The following HDGFL3 variants were observed in gnomAD, a reference collection of about 807,000 sequenced individuals.
The protein encoded by HDGFL3 is hepatoma-derived growth factor-related protein 3.
A neutral mutation model predicts 27.6 loss-of-function variants in HDGFL3; 6 were observed. That is an observed-to-expected ratio of 0.22 (90% confidence interval 0.12 to 0.43). HDGFL3 has a LOEUF of 0.43. Ranked by LOEUF, HDGFL3 falls within the 20% of genes least tolerant of loss-of-function variation. The pLI, the probability that HDGFL3 is intolerant of heterozygous loss-of-function variation, is 1.00. For synonymous variants in HDGFL3, 88 were observed against 88.9 expected, an observed-to-expected ratio of 0.99 and a Z score of 0.05; for missense variants, 207 against 250.1, an observed-to-expected ratio of 0.83 and a Z score of 1.16.
rs374656602 is a variant in HDGFL3 at position 83,162,400 on chromosome 15, T to C, written c.161+1599A>G. Among the ~76,000 whole-genome samples, 26 of 152,236 alleles carry C rather than the reference T, an allele frequency of 1.7e-4. 1 individual carries two copies. Among genetic ancestry groups the C allele is most frequent in the East Asian group, 5.8e-4 (3 of 5,184 alleles). On this transcript the variant is annotated intron_variant, in intron 2 of 5. Coordinates refer to ENST00000299633, the MANE Select transcript of HDGFL3 (RefSeq NM_016073.4). ...ATCAAACCAGCAAAAAAATCACATA[T>C]AGACTACTGTACAACCAGATCATTT...
At chr15:83,148,285 G>C (rs1438222177) in intron 5 of HDGFL3, among the ~76,000 whole-genome samples, 1 of 152,114 alleles carries the variant, frequency 6.6e-6, no homozygotes, top group East Asian at 1.9e-4. Flanking sequence ...CGTATACTAG[G>C]AGACAGGCAT....
At position 83,128,502 on chromosome 15, in the gene HDGFL3, C is replaced by T. The variant is rs984981002; in HGVS notation, c.*10768G>A. 2 of 152,170 alleles carry T rather than the reference C, an allele frequency of 1.3e-5. No individual in the cohort carries two copies. The highest frequency in any genetic ancestry group is 2.4e-5 in the African/African-American group (1 of 41,440). The allele number at this position is 152,170 out of a possible 1,614,324, so 9.4% of individuals were successfully genotyped here. On this transcript the variant is annotated 3_prime_UTR_variant, in exon 6 of 6. Transcript: ENST00000299633. Reference sequence around the variant, plus strand: ...TTGCAGACCTCTAAATACCTGATTCCTCAGTCCTTGGGGTTTATTTCTGTA... The same window carrying T: ...TTGCAGACCTCTAAATACCTGATTCTTCAGTCCTTGGGGTTTATTTCTGTA...
At chr15:83,204,055 GA>G (rs1433654524) in intron 1 of HDGFL3, among the ~76,000 whole-genome samples, 1 of 148,632 alleles carries the variant, frequency 6.7e-6, no homozygotes, top group Non-Finnish European at 1.5e-5. Context: ...TTTAATGTTA[GA>G]ATAATACATC....
At position 83,134,950 on chromosome 15, in the gene HDGFL3, A is replaced by T. The variant is rs997892949; in HGVS notation, c.*4320T>A. The T allele has an allele frequency of 3.3e-5, 5 of 152,174 alleles. No homozygotes were observed. Among genetic ancestry groups the T allele is most frequent in the Admixed American group, 6.5e-5 (1 of 15,276 alleles). 9.4% of individuals were successfully genotyped at this position (152,174 alleles called of 1,614,324 possible). ...TGAAAGTGCCCTTTACTCTCAAGGC[A>T]TTTTGTCCTCAGAGCCCAGAGATGC... On this transcript the variant is annotated 3_prime_UTR_variant, in exon 6 of 6. Transcript: ENST00000299633.
intron 5 of HDGFL3, among the ~76,000 whole-genome samples, chr15:83,150,920 T>C (rs1275598443): frequency 6.6e-6 from 1 of 152,186 alleles, no homozygotes; most frequent in African/African-American, 2.4e-5. Context: ...TGGGGTGGCA[T>C]TTCATAATTT....
intron 1 of HDGFL3, among the ~76,000 whole-genome samples, chr15:83,165,794 CAAAAAAAAA>C (rs57873221): frequency 7.2e-5 from 1 of 13,848 alleles, no homozygotes; most frequent in Middle Eastern, 0.083. Context: ...GAATCCATCT[CAAAAAAAAA>C]AAAAAAAAAA....
chr15:83,169,248 C>G (rs1383290733), intron 1 of HDGFL3: 1 of 442,812 alleles, frequency 2.3e-6, no homozygotes, highest in South Asian at 1.6e-5. Context: ...CAACATAGTA[C>G]TGGAATGCCA....
downstream of HDGFL3, among the ~76,000 whole-genome samples, chr15:83,123,579 G>T (rs1396432197): frequency 1.3e-5 from 2 of 152,158 alleles, no homozygotes; most frequent in Non-Finnish European, 2.9e-5. Flanking sequence ...TTTTACAAAA[G>T]ATTTTCAGTA....
chr15:83,135,868 C>T lies in HDGFL3; in HGVS notation c.*3402G>A, dbSNP rs1315773570. The T allele has an allele frequency of 6.6e-6, 1 of 152,058 alleles. No homozygotes were observed. The highest frequency in any genetic ancestry group is 1.5e-5 in the Non-Finnish European group (1 of 68,016). 9.4% of individuals were successfully genotyped at this position (152,058 alleles called of 1,614,324 possible). A position where few individuals can be genotyped will look rare whatever the true frequency, so the allele number is the denominator to read the frequency against. On this transcript the variant is annotated 3_prime_UTR_variant, in exon 6 of 6. Coordinates refer to ENST00000299633, the MANE Select transcript of HDGFL3 (RefSeq NM_016073.4). ...TAACAACCTTATCTTACAAACAACC[C>T]TTAATATTTTAAAAGCTGCAGAAAA... is the stretch of plus-strand genomic sequence containing the variant.
chr15:83,196,048 TTAAA>T (rs1310335748), intron 1 of HDGFL3, among the ~76,000 whole-genome samples: 7 of 152,044 alleles, frequency 4.6e-5, no homozygotes, highest in East Asian at 3.9e-4. Flanking sequence ...CTGACATTTA[TTAAA>T]TAAACGGTCA....
chr15:83,183,786 C>A (rs1312089332), intron 1 of HDGFL3, among the ~76,000 whole-genome samples: 1 of 149,346 alleles, frequency 6.7e-6, no homozygotes, highest in Non-Finnish European at 1.5e-5. Flanking sequence ...AAAAAAGTAT[C>A]TTTTCCCACT....
intron 4 of HDGFL3, among the ~76,000 whole-genome samples, chr15:83,156,366 G>A (rs998702398): frequency 2.0e-5 from 3 of 151,980 alleles, no homozygotes; most frequent in Admixed American, 6.5e-5. Flanking sequence ...TATTATTTAC[G>A]TGATTACTGT....
Position 83,128,821 on chromosome 15 carries a change from CACT to C in HDGFL3, c.*10446_*10448del, listed in dbSNP as rs950674101. On this transcript the variant is annotated 3_prime_UTR_variant, in exon 6 of 6. Transcript: ENST00000299633. ...TCCTCATCCTCTACATCTAGACCAC[CACT>C]AAGTCCTTTTTTTTTTCTTTTAAAG... 2 of 152,118 alleles carry C rather than the reference CACT, an allele frequency of 1.3e-5. No individual in the cohort carries two copies. Among genetic ancestry groups the C allele is most frequent in the African/African-American group, 2.4e-5 (1 of 41,414 alleles). 9.4% of individuals were successfully genotyped at this position (152,118 alleles called of 1,614,324 possible). A position where few individuals can be genotyped will look rare whatever the true frequency, so the allele number is the denominator to read the frequency against.
chr15:83,149,286 T>C (rs940212976), intron 5 of HDGFL3, among the ~76,000 whole-genome samples: 1 of 152,260 alleles, frequency 6.6e-6, no homozygotes, highest in Non-Finnish European at 1.5e-5. Context: ...GCAGCTATTA[T>C]GTTCTAAGGT....
chr15:83,186,633 A>G (rs1434759256), intron 1 of HDGFL3, among the ~76,000 whole-genome samples: 2 of 152,230 alleles, frequency 1.3e-5, no homozygotes, highest in Non-Finnish European at 2.9e-5. Context: ...CTCAAGAATA[A>G]AAAACCAAAT....
chr15:83,147,848 C>G (rs1048900450), intron 5 of HDGFL3, among the ~76,000 whole-genome samples: 2 of 152,120 alleles, frequency 1.3e-5, no homozygotes, highest in Non-Finnish European at 2.9e-5. Context: ...ATAGACAAGC[C>G]ATAAACTTGG....
At chr15:83,189,213 C>G (rs1486267833) in intron 1 of HDGFL3, 2 of 152,136 alleles carry the variant, frequency 1.3e-5, no homozygotes, top group African/African-American at 2.4e-5. Flanking sequence ...CCTTTGCCCC[C>G]AACAATCAAT....
At chr15:83,121,262 A>G (rs1208403675) in intron 3 of HDGFL3, among the ~76,000 whole-genome samples, 3 of 132,894 alleles carry the variant, frequency 2.3e-5, no homozygotes, top group Non-Finnish European at 1.6e-5. Flanking sequence ...TTGTACTTTT[A>G]GTAGAGATGG....
intron 5 of HDGFL3, among the ~76,000 whole-genome samples, chr15:83,145,362 T>C (rs1225123949): frequency 5.9e-5 from 9 of 152,218 alleles, no homozygotes; most frequent in African/African-American, 2.2e-4. Context: ...AAAACTCCTA[T>C]ATTCTCAATT....
Sources: gnomAD v4.1 joint callset for allele counts (sites outside exome capture counted in the v4.1 genomes callset) on GRCh38, gnomAD v4.1.1 for gene constraint, MANE v1.5 for transcripts, NCBI Gene and HGNC (gene_info 2026-07-23, HGNC 2026-07-21) for gene names.